The following LDB2 variants were observed in gnomAD, a reference collection of about 807,000 sequenced individuals.
LDB2 encodes LIM domain binding 2.
A neutral mutation model predicts 44.3 loss-of-function variants in LDB2; 12 were observed. That is an observed-to-expected ratio of 0.27 (90% CI 0.17 to 0.44). The LOEUF (loss-of-function observed/expected upper bound fraction) is 0.44. Among genes scored for constraint, LDB2 ranks in the 20% least tolerant of loss-of-function variants. The probability of loss-of-function intolerance (pLI) is 1.00; values close to 1 mark genes in which losing one functional copy is unlikely to be tolerated. For missense variants in LDB2, 344 were observed against 473.5 expected, an observed-to-expected ratio of 0.73 and a Z score of 2.54; for synonymous variants, 164 against 174.8, an observed-to-expected ratio of 0.94 and a Z score of 0.49.
chr4:16,773,118 T>C (rs1489948355), intron 1 of LDB2, among the ~76,000 whole-genome samples: 2 of 152,148 alleles, frequency 1.3e-5, no homozygotes, highest in Non-Finnish European at 2.9e-5. Context: ...GAAGTAAACA[T>C]GTAAATAAAG....
chr4:16,730,385 C>T (rs1579132415), intron 2 of LDB2, among the ~76,000 whole-genome samples: 2 of 152,286 alleles, frequency 1.3e-5, no homozygotes, highest in South Asian at 4.1e-4. Flanking sequence ...CTCTAAATTC[C>T]ACAGGGCAGA....
chr4:16,865,668 G>A (rs2110300880), intron 1 of LDB2, among the ~76,000 whole-genome samples: 1 of 152,326 alleles, frequency 6.6e-6, no homozygotes, highest in East Asian at 1.9e-4. Context: ...GAGAGCAGTT[G>A]ACAACCGACT....
At chr4:16,621,661 T>G (rs2152481667) in intron 2 of LDB2, among the ~76,000 whole-genome samples, 1 of 152,258 alleles carries the variant, frequency 6.6e-6, no homozygotes, top group South Asian at 2.1e-4. Flanking sequence ...CAAACAATCC[T>G]CCCATCTCAG....
At chr4:16,883,750 A>T (rs1270787956) in intron 1 of LDB2, among the ~76,000 whole-genome samples, 1 of 152,126 alleles carries the variant, frequency 6.6e-6, no homozygotes, top group Non-Finnish European at 1.5e-5. Context: ...GGTTTCCCAC[A>T]CAGGTCCCAA....
chr4:16,541,080 G>A (rs1733596639), intron 5 of LDB2, among the ~76,000 whole-genome samples: 1 of 152,134 alleles, frequency 6.6e-6, no homozygotes, highest in Admixed American at 6.5e-5. Flanking sequence ...AGAGTTATGT[G>A]GGGGCATGGA....
chr4:16,691,078 T>A (rs1750675276), intron 2 of LDB2, among the ~76,000 whole-genome samples: 1 of 152,146 alleles, frequency 6.6e-6, no homozygotes, highest in South Asian at 2.1e-4. Context: ...AAGGTGTGCT[T>A]CATTATCCAA....
chr4:16,704,279 C>T (rs1754123329), intron 2 of LDB2, among the ~76,000 whole-genome samples: 1 of 152,116 alleles, frequency 6.6e-6, no homozygotes, highest in Non-Finnish European at 1.5e-5. Context: ...CCACTAGATT[C>T]CCTTTTGTTT....
intron 2 of LDB2, among the ~76,000 whole-genome samples, chr4:16,616,035 C>T (rs930305167): frequency 1.3e-5 from 2 of 152,174 alleles, no homozygotes; most frequent in Non-Finnish European, 2.9e-5. Flanking sequence ...CCATGAAATG[C>T]TCTTGCCTCA....
intron 5 of LDB2, among the ~76,000 whole-genome samples, chr4:16,517,260 C>T (rs1373646615): frequency 3.3e-5 from 5 of 152,058 alleles, no homozygotes; most frequent in African/African-American, 1.2e-4. Flanking sequence ...CCCCATCCAT[C>T]GACTCTAGGA....
intron 2 of LDB2, among the ~76,000 whole-genome samples, chr4:16,725,819 A>G (rs1759308094): frequency 6.6e-6 from 1 of 151,584 alleles, no homozygotes. Flanking sequence ...CAAGCTCTAA[A>G]TAAATAGCCA....
intron 1 of LDB2, among the ~76,000 whole-genome samples, chr4:16,831,067 G>A (rs1003754724): frequency 1.3e-5 from 2 of 152,098 alleles, no homozygotes; most frequent in Admixed American, 6.5e-5. Context: ...TCTAGGCAAT[G>A]GGGTTGAATA....
intron 1 of LDB2, among the ~76,000 whole-genome samples, chr4:16,856,826 T>A (rs539590654): frequency 5.3e-5 from 8 of 152,214 alleles, no homozygotes; most frequent in Non-Finnish European, 1.0e-4. Context: ...TCCAGCGTGG[T>A]TAAGTCACTT....
rs533654764 is a variant in LDB2, at chr4:16,880,835, C to T, written c.132+17519G>A. Among the ~76,000 whole-genome samples the T allele has an allele frequency of 4.1e-5, 6 of 145,786 alleles. No homozygotes were observed. In the South Asian group the frequency reaches 6.6e-4, roughly 16 times the overall value. The stretch of plus-strand genomic sequence containing the variant: ...AGGAGAATAGTGTGAACCCGGGAGG[C>T]GGAGCTTGCAGTGAGTCAAGATCAC... On this transcript the variant is annotated intron_variant, in intron 1 of 7. Transcript: ENST00000304523.
chr4:16,665,767 A>G (rs1742963692), intron 2 of LDB2, among the ~76,000 whole-genome samples: 1 of 152,204 alleles, frequency 6.6e-6, no homozygotes, highest in East Asian at 1.9e-4. Context: ...TGGAAAAAAA[A>G]AGGGGTGTCT....
intron 1 of LDB2, among the ~76,000 whole-genome samples, chr4:16,826,109 AATCT>A (rs71181191): frequency 0.12 from 18,781 of 152,016 alleles, 1,513 homozygotes; most frequent in Non-Finnish European, 0.18. Flanking sequence ...GAGAAATATT[AATCT>A]ATCTAATATG....
At chr4:16,677,308 C>A (rs1366896288) in intron 2 of LDB2, among the ~76,000 whole-genome samples, 2 of 152,040 alleles carry the variant, frequency 1.3e-5, no homozygotes, top group African/African-American at 4.8e-5. Context: ...CTAACAAAAG[C>A]AAAACAAATA....
intron 1 of LDB2, among the ~76,000 whole-genome samples, chr4:16,858,201 T>C (rs1789759962): frequency 6.6e-6 from 1 of 152,196 alleles, no homozygotes; most frequent in African/African-American, 2.4e-5. Context: ...AACTGAGGCA[T>C]AGAAAGGATG....
At chr4:16,557,778 AC>A (rs1179751774) in intron 5 of LDB2, among the ~76,000 whole-genome samples, 1 of 152,008 alleles carries the variant, frequency 6.6e-6, no homozygotes, top group Non-Finnish European at 1.5e-5. Context: ...TGGGTCCCTG[AC>A]CCCTGACCCC....
At chr4:16,655,033 C>T (rs762792349) in intron 2 of LDB2, among the ~76,000 whole-genome samples, 4 of 152,048 alleles carry the variant, frequency 2.6e-5, no homozygotes, top group Admixed American at 6.5e-5. Context: ...CAAAGAGATT[C>T]GAACGAAATC....
Sources: allele counts gnomAD v4.1 joint callset (sites outside exome capture counted in the v4.1 genomes callset), GRCh38; gene constraint gnomAD v4.1.1; transcripts MANE v1.5; gene names NCBI Gene and HGNC (gene_info 2026-07-23, HGNC 2026-07-21).